SEMA6D: variants seen among roughly 807,000 people sequenced by gnomAD.
SEMA6D encodes semaphorin 6D, also known as semaphorin-6D.
Under a neutral mutation model 106.6 loss-of-function variants are expected in SEMA6D, and 35 were observed. That is an observed-to-expected ratio of 0.33 (90% CI 0.25 to 0.44). The LOEUF (loss-of-function observed/expected upper bound fraction) is 0.44. SEMA6D is among the 20% of genes least tolerant of loss of function. SEMA6D has a pLI of 1.00. For missense variants in SEMA6D, 1,185 were observed against 1,345.9 expected (o/e 0.88, Z 1.87); for synonymous variants, 499 against 487.7 (o/e 1.02, Z -0.31).
chr15:47,651,683 T>G (rs2077695112), intron 4 of SEMA6D, among the ~76,000 whole-genome samples: 1 of 152,260 alleles, frequency 6.6e-6, no homozygotes, highest in African/African-American at 2.4e-5. Context: ...CAGCTACATC[T>G]GATACTCGAT....
intron 1 of SEMA6D, among the ~76,000 whole-genome samples, chr15:47,344,603 C>T (rs1015625032): frequency 6.6e-5 from 10 of 152,082 alleles, no homozygotes; most frequent in African/African-American, 2.4e-4. Context: ...GTTCTCAGGA[C>T]AGAAGTCTTG....
chr15:47,199,475 A>C (rs1894573902), intron 1 of SEMA6D, among the ~76,000 whole-genome samples: 1 of 152,170 alleles, frequency 6.6e-6, no homozygotes, highest in African/African-American at 2.4e-5. Flanking sequence ...CAGAAAATAA[A>C]AACATTCCTG....
At chr15:47,718,253 C>G (rs1410899179) in intron 1 of SEMA6D, among the ~76,000 whole-genome samples, 2 of 152,208 alleles carry the variant, frequency 1.3e-5, no homozygotes, top group Non-Finnish European at 2.9e-5. Flanking sequence ...CCAGAGCGGA[C>G]GCTGGGACGC....
At chr15:47,344,886 C>T (rs1019481788) in intron 1 of SEMA6D, among the ~76,000 whole-genome samples, 11 of 152,038 alleles carry the variant, frequency 7.2e-5, no homozygotes, top group African/African-American at 2.7e-4. Flanking sequence ...ATACAAAAGT[C>T]CAATTACGTT....
intron 1 of SEMA6D, among the ~76,000 whole-genome samples, chr15:47,205,035 A>T (rs1894965057): frequency 6.6e-6 from 1 of 152,150 alleles, no homozygotes; most frequent in African/African-American, 2.4e-5. Flanking sequence ...GCTATATAAG[A>T]GGACATAAGA....
At chr15:47,365,883 A>AGAG (rs1387904286) in intron 1 of SEMA6D, among the ~76,000 whole-genome samples, 2 of 81,696 alleles carry the variant, frequency 2.4e-5, no homozygotes, top group African/African-American at 9.8e-5. Context: ...AAAGAGAGAG[A>AGAG]GAGAGAGGAG....
At chr15:47,230,547 A>G (rs888216542) in intron 1 of SEMA6D, among the ~76,000 whole-genome samples, 1 of 151,880 alleles carries the variant, frequency 6.6e-6, no homozygotes, top group African/African-American at 2.4e-5. Flanking sequence ...GCTGGCTCTT[A>G]CTCTGCCTTC....
At chr15:47,337,065 G>A (rs2037595019) in intron 1 of SEMA6D, among the ~76,000 whole-genome samples, 2 of 152,118 alleles carry the variant, frequency 1.3e-5, no homozygotes, top group African/African-American at 4.8e-5. Flanking sequence ...TGGAAATCTG[G>A]CCTATTTAAA....
At chr15:47,510,616 A>T (rs2044196290) in intron 3 of SEMA6D, among the ~76,000 whole-genome samples, 3 of 152,334 alleles carry the variant, frequency 2.0e-5, no homozygotes, top group Admixed American at 2.0e-4. Context: ...TTGCATATAT[A>T]AGATAATTAC....
intron 3 of SEMA6D, among the ~76,000 whole-genome samples, chr15:47,486,570 G>A (rs951939383): frequency 5.9e-5 from 9 of 152,178 alleles, no homozygotes; most frequent in African/African-American, 2.2e-4. Flanking sequence ...GCACTACAAT[G>A]AAGAAAACAG....
intron 4 of SEMA6D, among the ~76,000 whole-genome samples, chr15:47,634,783 C>G (rs1367158918): frequency 7.0e-6 from 1 of 143,840 alleles, no homozygotes; most frequent in Non-Finnish European, 1.5e-5. Context: ...TGGACAGCAC[C>G]ATAGTGAGGA....
At chr15:47,677,760 A>G (rs901746359) in intron 4 of SEMA6D, among the ~76,000 whole-genome samples, 1 of 152,202 alleles carries the variant, frequency 6.6e-6, no homozygotes, top group Admixed American at 6.5e-5. Context: ...GAACACCAGT[A>G]TCTGTATCTA....
At chr15:47,447,784 G>A (rs2042072001) in intron 2 of SEMA6D, among the ~76,000 whole-genome samples, 1 of 152,158 alleles carries the variant, frequency 6.6e-6, no homozygotes, top group African/African-American at 2.4e-5. Context: ...CCTAGGGCTT[G>A]TGATCTGCAT....
At chr15:47,666,227 G>A (rs1431904903) in intron 4 of SEMA6D, among the ~76,000 whole-genome samples, 1 of 152,148 alleles carries the variant, frequency 6.6e-6, no homozygotes, top group African/African-American at 2.4e-5. Context: ...TCTTCACTGT[G>A]CCATAAGAGG....
At chr15:47,283,408 T>A (rs1465061776) in intron 1 of SEMA6D, among the ~76,000 whole-genome samples, 3 of 152,208 alleles carry the variant, frequency 2.0e-5, no homozygotes, top group South Asian at 4.1e-4. Flanking sequence ...GATTAATTGG[T>A]TGAATTGTAC....
chr15:47,745,216 C>T (rs529466578), intron 1 of SEMA6D, among the ~76,000 whole-genome samples: 1 of 152,344 alleles, frequency 6.6e-6, no homozygotes, highest in East Asian at 1.9e-4. Context: ...CTGGTACTCA[C>T]CTGGTCTAAT....
chr15:47,465,997 G>A (rs2201671), intron 2 of SEMA6D, among the ~76,000 whole-genome samples: 55,433 of 151,738 alleles, frequency 0.37, 10,807 homozygotes, highest in African/African-American at 0.51. Context: ...AAAATAATGT[G>A]TTTTTATTTT....
chr15:47,766,488 TTG>T (rs1555428924), intron 15 of SEMA6D, 126 bp from the exon 16 acceptor site: 43 of 444,516 alleles, frequency 9.7e-5, no homozygotes, highest in South Asian at 2.4e-4. Flanking sequence ...TGTTAAAATG[TTG>T]TTTTTTTTTT....
chr15:47,514,969 G>A (rs866743294), intron 3 of SEMA6D, among the ~76,000 whole-genome samples: 3 of 152,186 alleles, frequency 2.0e-5, no homozygotes, highest in East Asian at 1.9e-4. Flanking sequence ...GAAGGTCACT[G>A]TTCTGTAAGC....
Sources: gnomAD v4.1 joint callset for allele counts (sites outside exome capture counted in the v4.1 genomes callset) on GRCh38, gnomAD v4.1.1 for gene constraint, MANE v1.5 for transcripts, NCBI Gene and HGNC (gene_info 2026-07-23, HGNC 2026-07-21) for gene names.